Variants in RARB observed in about 807,000 individuals in gnomAD.
The protein encoded by RARB is HBV-activated protein.
RARB carries 17 observed loss-of-function variants against 51.9 expected under a neutral mutation model. The ratio of observed to expected loss-of-function variants is 0.33; its 90% confidence interval spans 0.22 to 0.49. RARB has a LOEUF of 0.49. RARB is among the 20% of genes least tolerant of loss of function. RARB has a pLI of 0.99. For missense variants in RARB, 369 were observed against 550.8 expected, an observed-to-expected ratio of 0.67 and a Z score of 3.30; for synonymous variants, 215 against 195.4, an observed-to-expected ratio of 1.10 and a Z score of -0.84.
At chr3:25,502,697 C>T (rs1697378020) in intron 3 of RARB, among the ~76,000 whole-genome samples, 2 of 152,138 alleles carry the variant, frequency 1.3e-5, no homozygotes, top group African/African-American at 4.8e-5. Context: ...ATTCAAGACT[C>T]GTGCGTAGAA....
At chr3:25,353,675 G>A (rs947187741) in intron 5 of RARB, among the ~76,000 whole-genome samples, 11 of 151,476 alleles carry the variant, frequency 7.3e-5, no homozygotes, top group South Asian at 2.1e-4. Context: ...AACTCTTAAC[G>A]TTGTAGGTGG....
At chr3:24,907,214 C>T (rs995708649) in intron 2 of RARB, among the ~76,000 whole-genome samples, 1 of 152,144 alleles carries the variant, frequency 6.6e-6, no homozygotes, top group East Asian at 1.9e-4. Context: ...TGGTAGTTAT[C>T]AAACTTTAGC....
chr3:24,974,654 C>A (rs1317728818), intron 2 of RARB, among the ~76,000 whole-genome samples: 2 of 152,004 alleles, frequency 1.3e-5, no homozygotes, highest in African/African-American at 2.4e-5. Context: ...TATAGTAAAT[C>A]AAATCAATAT....
At chr3:24,834,872 C>A (rs928092754) in intron 1 of RARB, among the ~76,000 whole-genome samples, 1 of 152,172 alleles carries the variant, frequency 6.6e-6, no homozygotes, top group African/African-American at 2.4e-5. Context: ...GGCTGTAGAA[C>A]CAGTCTCATA....
At chr3:25,235,256 GTAGT>G (rs1333610764) in intron 5 of RARB, among the ~76,000 whole-genome samples, 2 of 152,146 alleles carry the variant, frequency 1.3e-5, no homozygotes, top group African/African-American at 4.8e-5. Flanking sequence ...CTCTTCGGCT[GTAGT>G]AAGTAGAGGG....
At chr3:24,933,552 G>A (rs972056953) in intron 2 of RARB, among the ~76,000 whole-genome samples, 6 of 152,134 alleles carry the variant, frequency 3.9e-5, no homozygotes, top group East Asian at 3.9e-4. Context: ...GGCAGGAGAC[G>A]CAGTAAGGGC....
At chr3:25,526,623 C>T (rs192601712) in intron 3 of RARB, among the ~76,000 whole-genome samples, 4 of 152,228 alleles carry the variant, frequency 2.6e-5, no homozygotes, top group Admixed American at 2.6e-4. Flanking sequence ...CATTAAATAG[C>T]ACATAAAAGG....
rs1705884093 is a variant in RARB at position 25,360,178 on chromosome 3, A to G, written c.179-101015A>G. ...GTGCTCCTGTATTGGGTGCATATAT[A>G]TTTAGGAGAGTTCGCTCTTCTTGTT... On this transcript the variant is annotated intron_variant, in intron 5 of 11. Transcript: ENST00000383772. 2.6e-5 allele frequency among the ~76,000 whole-genome samples: 4 copies of G among 152,268 alleles called. No homozygotes were observed. In the South Asian group the frequency reaches 6.2e-4, roughly 24 times the overall value.
At chr3:25,206,647 A>C (rs538113635) in intron 5 of RARB, among the ~76,000 whole-genome samples, 10 of 152,214 alleles carry the variant, frequency 6.6e-5, no homozygotes, top group Non-Finnish European at 7.4e-5. Flanking sequence ...CAGAGTTAAC[A>C]GTATTTGCAT....
chr3:25,513,275 A>G (rs1697992394), intron 3 of RARB, among the ~76,000 whole-genome samples: 1 of 152,084 alleles, frequency 6.6e-6, no homozygotes, highest in Admixed American at 6.5e-5. Context: ...CAACAGACGG[A>G]GACTCCATCT....
intron 2 of RARB, among the ~76,000 whole-genome samples, chr3:25,008,243 G>C (rs1048616708): frequency 6.6e-6 from 1 of 152,118 alleles, no homozygotes; most frequent in African/African-American, 2.4e-5. Context: ...CATTTTAGCA[G>C]TTTACAACAA....
At chr3:25,560,380 T>G (rs1700224308) in intron 3 of RARB, among the ~76,000 whole-genome samples, 1 of 152,260 alleles carries the variant, frequency 6.6e-6, no homozygotes, top group Non-Finnish European at 1.5e-5. Flanking sequence ...ATTAATATCT[T>G]AACGGTATTT....
chr3:25,534,079 A>G (rs1477908528), intron 3 of RARB, among the ~76,000 whole-genome samples: 2 of 152,260 alleles, frequency 1.3e-5, no homozygotes, highest in Non-Finnish European at 2.9e-5. Context: ...GGCTCAATGC[A>G]GCTCCAACTT....
chr3:25,359,924 T>C (rs1692329756), intron 5 of RARB, among the ~76,000 whole-genome samples: 1 of 152,228 alleles, frequency 6.6e-6, no homozygotes, highest in South Asian at 2.1e-4. Flanking sequence ...ATAAGTGCTA[T>C]GTAGTGCTGA....
intron 2 of RARB, among the ~76,000 whole-genome samples, chr3:24,916,535 C>G (rs898599698): frequency 6.6e-6 from 1 of 152,062 alleles, no homozygotes; most frequent in South Asian, 2.1e-4. Flanking sequence ...TCTTCTTTTA[C>G]CCTCTCTGAT....
intron 2 of RARB, among the ~76,000 whole-genome samples, chr3:24,894,951 G>A (rs1195322501): frequency 6.6e-6 from 1 of 152,158 alleles, no homozygotes; most frequent in East Asian, 1.9e-4. Context: ...TATTTGAATT[G>A]AGTTGAAGAA....
chr3:24,992,023 C>G (rs1696923406), intron 2 of RARB, among the ~76,000 whole-genome samples: 1 of 152,132 alleles, frequency 6.6e-6, no homozygotes, highest in African/African-American at 2.4e-5. Flanking sequence ...CTGTTTGGCT[C>G]TCCTTATACC....
intron 5 of RARB, among the ~76,000 whole-genome samples, chr3:25,377,063 GAGT>G (rs1039815809): frequency 1.3e-5 from 2 of 152,156 alleles, no homozygotes; most frequent in African/African-American, 4.8e-5. Flanking sequence ...GAGAAATACT[GAGT>G]GATTAATAAC....
At chr3:25,108,387 G>A (rs949446589) in intron 3 of RARB, among the ~76,000 whole-genome samples, 6 of 152,160 alleles carry the variant, frequency 3.9e-5, no homozygotes, top group Admixed American at 2.6e-4. Context: ...ATCTTTCAAA[G>A]GATGATTCAG....
Sources: allele counts gnomAD v4.1 joint callset (sites outside exome capture counted in the v4.1 genomes callset), GRCh38; gene constraint gnomAD v4.1.1; transcripts MANE v1.5; gene names NCBI Gene and HGNC (gene_info 2026-07-23, HGNC 2026-07-21).